Variants in KCNIP4 observed in about 807,000 individuals in gnomAD.
KCNIP4 encodes Kv channel-interacting protein 4.
A neutral mutation model predicts 34.0 loss-of-function variants in KCNIP4; 12 were observed. The observed-to-expected ratio is 0.35, with a 90% CI of 0.23 to 0.57. The LOEUF (loss-of-function observed/expected upper bound fraction) is 0.57, where lower values mean the gene tolerates loss of function less well. Ranked by LOEUF, KCNIP4 falls within the 20% of genes least tolerant of loss-of-function variation. KCNIP4 has a pLI of 0.83. For missense variants in KCNIP4, 238 were observed against 311.7 expected, an observed-to-expected ratio of 0.76 and a Z score of 1.78; for synonymous variants, 124 against 102.2, an observed-to-expected ratio of 1.21 and a Z score of -1.29.
chr4:21,826,076 T>C (rs1349597354), intron 1 of KCNIP4, among the ~76,000 whole-genome samples: 3 of 152,154 alleles, frequency 2.0e-5, no homozygotes, highest in Admixed American at 1.3e-4. Flanking sequence ...CCAACATGGC[T>C]GATACCTAGC....
At chr4:21,676,167 T>G (rs566815171) in intron 1 of KCNIP4, among the ~76,000 whole-genome samples, 20 of 152,312 alleles carry the variant, frequency 1.3e-4, no homozygotes, top group South Asian at 6.2e-4. Flanking sequence ...CAGCTGTTTT[T>G]ATTATCAACA....
chr4:21,828,044 G>A (rs1722773394), intron 1 of KCNIP4, among the ~76,000 whole-genome samples: 1 of 148,110 alleles, frequency 6.8e-6, no homozygotes, highest in African/African-American at 2.5e-5. Context: ...GTAGAAACAA[G>A]ACCACAAATA....
At chr4:21,691,631 GT>G (rs557305136) in intron 1 of KCNIP4, among the ~76,000 whole-genome samples, 27 of 151,106 alleles carry the variant, frequency 1.8e-4, no homozygotes, top group Non-Finnish European at 3.4e-4. Flanking sequence ...TGATGTGTAA[GT>G]GCTGAAGTTT....
intron 1 of KCNIP4, among the ~76,000 whole-genome samples, chr4:21,772,552 C>T (rs1388000956): frequency 1.3e-5 from 2 of 152,204 alleles, no homozygotes; most frequent in Non-Finnish European, 2.9e-5. Context: ...TCCATCTGGT[C>T]CTGGGCTTTT....
At chr4:21,869,599 T>C (rs1427765087) in intron 1 of KCNIP4, among the ~76,000 whole-genome samples, 2 of 152,142 alleles carry the variant, frequency 1.3e-5, no homozygotes, top group East Asian at 3.9e-4. Context: ...CCTGTTCCTG[T>C]ATTATGCAAA....
chr4:21,512,610 G>T (rs1246383364), intron 1 of KCNIP4, among the ~76,000 whole-genome samples: 1 of 152,108 alleles, frequency 6.6e-6, no homozygotes, highest in Non-Finnish European at 1.5e-5. Flanking sequence ...TCAGGCCACA[G>T]AGATATTCTC....
intron 1 of KCNIP4, among the ~76,000 whole-genome samples, chr4:21,837,260 G>A (rs1022808053): frequency 2.0e-5 from 3 of 150,264 alleles, no homozygotes; most frequent in African/African-American, 7.3e-5. Context: ...ATGGCCAAGG[G>A]CGGTGGCTCA....
At chr4:21,309,284 C>CCTAA (rs1377850364) in intron 1 of KCNIP4, among the ~76,000 whole-genome samples, 1 of 152,144 alleles carries the variant, frequency 6.6e-6, no homozygotes, top group South Asian at 2.1e-4. Context: ...CTTCTCAAGA[C>CCTAA]CTAACCTTCA....
intron 1 of KCNIP4, among the ~76,000 whole-genome samples, chr4:21,337,317 T>C (rs139481908): frequency 1.1e-4 from 17 of 152,316 alleles, no homozygotes; most frequent in Admixed American, 8.5e-4. Flanking sequence ...ATAAGGCAGA[T>C]AGTCATTTTA....
chr4:21,431,206 T>C (rs939111391), intron 1 of KCNIP4, among the ~76,000 whole-genome samples: 2 of 152,012 alleles, frequency 1.3e-5, no homozygotes, highest in South Asian at 2.1e-4. Context: ...TAGAACTGTG[T>C]CTATGAAGAT....
chr4:21,042,187 C>G (rs892409888), intron 1 of KCNIP4, among the ~76,000 whole-genome samples: 1 of 152,134 alleles, frequency 6.6e-6, no homozygotes, highest in Non-Finnish European at 1.5e-5. Context: ...AATCCTAGTA[C>G]TGGGTATATA....
At chr4:20,905,509 C>CTTTCTT (rs71655610) in intron 1 of KCNIP4, among the ~76,000 whole-genome samples, 2 of 72,800 alleles carry the variant, frequency 2.7e-5, no homozygotes, top group African/African-American at 4.6e-5. Context: ...CGTTTTCTTT[C>CTTTCTT]TTTTTTTTTT....
chr4:21,947,262 G>C lies in KCNIP4; in HGVS notation c.61+1309C>G, dbSNP rs560897815. Reference sequence around the variant, plus strand: ...CTCAGGAAACATTTGATCTCTTAAAGATTGTAAGCATTTCTCACAAGAGAT... The same window carrying C: ...CTCAGGAAACATTTGATCTCTTAAACATTGTAAGCATTTCTCACAAGAGAT... On this transcript the variant is annotated intron_variant, in intron 1 of 8. Transcript: ENST00000382152. Among the ~76,000 whole-genome samples, 6 of 152,314 alleles carry C rather than the reference G, an allele frequency of 3.9e-5. No individual in the cohort carries two copies. In the East Asian group the frequency reaches 1.2e-3, roughly 29 times the overall value.
intron 3 of KCNIP4, among the ~76,000 whole-genome samples, chr4:20,843,679 G>C (rs763501637): frequency 6.6e-6 from 1 of 152,040 alleles, no homozygotes; most frequent in East Asian, 1.9e-4. Flanking sequence ...TCAGTGAGTG[G>C]AGATCGCGCC....
intron 1 of KCNIP4, among the ~76,000 whole-genome samples, chr4:20,969,556 T>TGTG (rs768106162): frequency 0.023 from 3,444 of 149,690 alleles, 128 homozygotes; most frequent in African/African-American, 0.078. Context: ...GCGTGTGTGT[T>TGTG]TGTGTGTGTG....
At chr4:20,791,884 A>G (rs1162299699) in intron 3 of KCNIP4, among the ~76,000 whole-genome samples, 1 of 152,184 alleles carries the variant, frequency 6.6e-6, no homozygotes, top group African/African-American at 2.4e-5. Context: ...CTCTCCTGAG[A>G]GAGAAGAAAT....
rs1042357202 is a variant in KCNIP4 at position 20,860,886 on chromosome 4, G to T, written c.164-10219C>A. ...TTCAAGTCTGATACATCAGGACAAA[G>T]AAAAAGCTGCCTGGAGGAAGATTTC... On this transcript the variant is annotated intron_variant, in intron 2 of 8. Transcript: ENST00000382152. Among the ~76,000 whole-genome samples the T allele has an allele frequency of 3.9e-5, 6 of 152,262 alleles. No individual in the cohort carries two copies. The East Asian group carries it at 1.2e-3, about 29-fold the overall frequency.
rs1225380090 is a variant in KCNIP4, at chr4:20,730,017, C to CTCCAACTTTAAGGGTGGTAGA, written c.*44_*64dup. 340 of 1,537,768 alleles carry CTCCAACTTTAAGGGTGGTAGA rather than the reference C, an allele frequency of 2.2e-4. 2 individuals carry two copies. The Middle Eastern group carries it at 0.011, about 51-fold the overall frequency. ...GAGCAATCTATGCTAAAAGTGGTAGCTCCAACTTTAAGGGTGGTAGAATAG... is the reference window on the plus strand; with the variant it reads ...GAGCAATCTATGCTAAAAGTGGTAGCTCCAACTTTAAGGGTGGTAGATCCAACTTTAAGGGTGGTAGAATAG... On this transcript the variant is annotated 3_prime_UTR_variant, in exon 9 of 9. Coordinates refer to ENST00000382152, the MANE Select transcript of KCNIP4 (RefSeq NM_025221.6).
At chr4:21,803,876 T>G (rs1245337844) in intron 1 of KCNIP4, among the ~76,000 whole-genome samples, 2 of 152,216 alleles carry the variant, frequency 1.3e-5, no homozygotes, top group African/African-American at 4.8e-5. Context: ...ACAAAGTCTC[T>G]TTATATCCAT....
Sources: allele counts gnomAD v4.1 joint callset (sites outside exome capture counted in the v4.1 genomes callset), GRCh38; gene constraint gnomAD v4.1.1; transcripts MANE v1.5; gene names NCBI Gene and HGNC (gene_info 2026-07-23, HGNC 2026-07-21).